Variants in TBL2 observed in about 807,000 individuals in gnomAD.
TBL2 encodes the protein transducin beta like 2, also known as transducin beta-like protein 2.
A neutral mutation model predicts 41.8 loss-of-function variants in TBL2; 33 were observed. The observed-to-expected ratio is 0.79, with a 90% CI of 0.60 to 1.06. The LOEUF (loss-of-function observed/expected upper bound fraction) is 1.06, where lower values mean the gene tolerates loss of function less well. Ranked by LOEUF, TBL2 falls within the 50% of genes least tolerant of loss-of-function variation. TBL2 has a pLI of 0.00. For missense variants in TBL2, 522 were observed against 603.8 expected (o/e 0.86, Z 1.42); for synonymous variants, 239 against 241.7 (o/e 0.99, Z 0.10).
chr7:73,578,020 C>T (rs13246490), intron 1 of TBL2: 54,560 of 498,034 alleles, frequency 0.11, 3,200 homozygotes, highest in Middle Eastern at 0.13. Context: ...TACTGGACTC[C>T]TTACAGAAAA....
chr7:73,571,386 T>C (rs782753625), intron 5 of TBL2, 45 bp from the exon 6 acceptor site: 3 of 1,611,820 alleles, frequency 1.9e-6, no homozygotes, highest in African/African-American at 2.7e-5. Context: ...TTTCGGAGCA[T>C]GTTGTTCCTG....
chr7:73,578,073 G>A (rs1554589343), intron 1 of TBL2: 1 of 577,300 alleles, frequency 1.7e-6, no homozygotes, highest in African/African-American at 2.0e-5. Flanking sequence ...CCCAGTAAAT[G>A]CTGCTGCACA....
At chr7:73,578,332 G>A (rs1793468876) in intron 1 of TBL2, 88 bp downstream of exon 1, 1 of 1,536,162 alleles carries the variant, frequency 6.5e-7, no homozygotes, top group Non-Finnish European at 8.7e-7. Context: ...GGCCCCACCA[G>A]CCGCGGGCCC....
rs782787386 is a variant in TBL2, at chr7:73,573,926, G to A, written c.446+12C>T. The A allele has an allele frequency of 6.8e-6, 11 of 1,611,736 alleles. No individual in the cohort carries two copies. Among genetic ancestry groups the A allele is most frequent in the South Asian group, 5.5e-5 (5 of 91,036 alleles). ...CCTCTGCAGGCAAACCTGAGGCTCC[G>A]TCTTGTCCCACCTGCAGTCAGGGCT... On this transcript the variant is annotated intron_variant, in intron 3 of 6. Transcript: ENST00000305632.
intron 1 of TBL2, chr7:73,574,866 G>C (rs1269382273): frequency 1.3e-5 from 5 of 380,876 alleles, no homozygotes; most frequent in African/African-American, 2.1e-5. Flanking sequence ...ATCAGACCTG[G>C]GTTTGGATTC....
chr7:73,573,285 C>T (rs904546710), intron 4 of TBL2, 35 bp downstream of exon 4: 1 of 1,611,032 alleles, frequency 6.2e-7, no homozygotes, highest in African/African-American at 1.3e-5. Flanking sequence ...TTCCTTCATG[C>T]TTTGGGCAGG....
intron 5 of TBL2, 101 bp downstream of exon 5, chr7:73,572,743 C>G: frequency 6.4e-7 from 1 of 1,551,678 alleles, no homozygotes; most frequent in South Asian, 1.2e-5. Context: ...GACCCCACCC[C>G]GTATGCTCTT....
At chr7:73,573,162 G>C in intron 4 of TBL2, 158 bp downstream of exon 4, 1 of 1,356,838 alleles carries the variant, frequency 7.4e-7, no homozygotes, top group Non-Finnish European at 1.0e-6. Flanking sequence ...GTGGCCCAGG[G>C]ACTCCAGGGG....
intron 1 of TBL2, among the ~76,000 whole-genome samples, chr7:73,577,697 T>G (rs1793425904): frequency 1.3e-5 from 2 of 152,166 alleles, no homozygotes; most frequent in Admixed American, 1.3e-4. Flanking sequence ...TGAAGTACAG[T>G]GGCGCGATCT....
At chr7:73,573,111 T>C (rs1209273184) in intron 4 of TBL2, 141 bp from the exon 5 acceptor site, 11 of 1,409,352 alleles carry the variant, frequency 7.8e-6, no homozygotes, top group Non-Finnish European at 9.6e-6. Context: ...AGGACTCTGC[T>C]GAAGACTGTG....
At chr7:73,577,187 G>T (rs567036043) in intron 1 of TBL2, among the ~76,000 whole-genome samples, 301 of 149,364 alleles carry the variant, frequency 2.0e-3, no homozygotes, top group Middle Eastern at 7.0e-3. Flanking sequence ...CGTGAACCCA[G>T]AGGCGGAGCT....
intron 4 of TBL2, 56 bp downstream of exon 4, chr7:73,573,264 G>T: frequency 1.9e-6 from 3 of 1,600,946 alleles, no homozygotes; most frequent in South Asian, 2.2e-5. Context: ...TGAGGAAATA[G>T]AACTGGATCT....
At position 73,568,893 on chromosome 7, in the gene TBL2, C is replaced by T. The variant is rs1792754697; in HGVS notation, c.*1614G>A. On this transcript the variant is annotated 3_prime_UTR_variant, in exon 7 of 7. Transcript: ENST00000305632. ...AGTGAGCCGAGATTGCGCCATTGTA[C>T]TCCAGCCTGGGTGACAAGAGATTGT... is the stretch of plus-strand genomic sequence containing the variant. The T allele has an allele frequency of 6.6e-6, 1 of 152,066 alleles. No individual in the cohort carries two copies. Among genetic ancestry groups the T allele is most frequent in the African/African-American group, 2.4e-5 (1 of 41,416 alleles). 9.4% of individuals were successfully genotyped at this position (152,066 alleles called of 1,614,324 possible).
intron 3 of TBL2, 48 bp downstream of exon 3, chr7:73,573,890 C>T: frequency 1.3e-6 from 2 of 1,599,424 alleles, no homozygotes; most frequent in Non-Finnish European, 1.7e-6. Flanking sequence ...AGGCCAAAGC[C>T]TGGGACTAGG....
At chr7:73,577,976 T>G in intron 1 of TBL2, 1 of 374,714 alleles carries the variant, frequency 2.7e-6, no homozygotes, top group Non-Finnish European at 4.8e-6. Context: ...CACTTACATA[T>G]TTAGGTGTTC....
chr7:73,575,915 G>A (rs887332866), intron 1 of TBL2, among the ~76,000 whole-genome samples: 1 of 152,004 alleles, frequency 6.6e-6, no homozygotes, highest in African/African-American at 2.4e-5. Flanking sequence ...GGTGGTGTGC[G>A]CCTGTGGTCC....
chr7:73,572,815 C>T (rs1554587917), intron 5 of TBL2, 29 bp downstream of exon 5: 3 of 1,613,588 alleles, frequency 1.9e-6, no homozygotes, highest in Non-Finnish European at 1.7e-6. Context: ...CTCTCGTGGT[C>T]CCAGACGCCA....
Position 73,570,661 on chromosome 7 carries a change from C to T in TBL2, c.1190G>A (p.Arg397Gln), listed in dbSNP as rs551317109. Residue 397 changes from arginine to glutamine, a missense_variant, in exon 7 of 7, where the codon CGG (arginine) becomes CAG (glutamine). Transcript: ENST00000305632. ...GTGGCCAGGAGTGTTGTGAAACAGC[C>T]GCACCGCCCGGTCCCCACAGGAGGC... The part of the protein sequence containing the change: ...FLASCGDRAV[R>Q]LFHNTPGHRA... 3.0e-5 allele frequency: 49 copies of T among 1,613,850 alleles called. No individual in the cohort carries two copies. Among genetic ancestry groups the T allele is most frequent in the East Asian group, 4.5e-5 (2 of 44,884 alleles).
intron 1 of TBL2, chr7:73,577,917 C>T (rs1011320299): frequency 2.5e-5 from 6 of 239,224 alleles, no homozygotes; most frequent in Middle Eastern, 1.3e-3. Context: ...GGAATACAGG[C>T]GTGAGCCACT....
Sources: gnomAD v4.1 joint callset for allele counts (sites outside exome capture counted in the v4.1 genomes callset) on GRCh38, gnomAD v4.1.1 for gene constraint, MANE v1.5 for transcripts, NCBI Gene and HGNC (gene_info 2026-07-23, HGNC 2026-07-21) for gene names.